SEPTIN9: variants seen among roughly 807,000 people sequenced by gnomAD.
SEPTIN9 encodes the protein septin-9.
In SEPTIN9, 13 loss-of-function variants were observed where a neutral mutation model predicts 56.6. That is an observed-to-expected ratio of 0.23 (90% confidence interval 0.15 to 0.37). The LOEUF is 0.37. SEPTIN9 is among the 10% of genes least tolerant of loss of function. The pLI, the probability that SEPTIN9 is intolerant of heterozygous loss-of-function variation, is 1.00. For synonymous variants in SEPTIN9, 332 were observed against 334.1 expected, an observed-to-expected ratio of 0.99 and a Z score of 0.07; for missense variants, 650 against 823.1, an observed-to-expected ratio of 0.79 and a Z score of 2.57.
Position 77,311,715 on chromosome 17 carries a change from C to T in SEPTIN9, c.76+4518C>T, listed in dbSNP as rs146934048. Among the ~76,000 whole-genome samples, 599 of 152,274 alleles carry T rather than the reference C, an allele frequency of 3.9e-3. 4 individuals carry two copies. Among genetic ancestry groups the T allele is most frequent in the African/African-American group, 0.014 (562 of 41,542 alleles). On this transcript the variant is annotated intron_variant, in intron 2 of 11. Coordinates refer to ENST00000427177, the MANE Select transcript of SEPTIN9 (RefSeq NM_001113491.2). ...CCTCCTCGCTATTTCCCCAGGGCAC[C>T]GTGCCACGTTGCCTCAATGCACAGA...
rs1294838603 is a variant in SEPTIN9 at position 77,445,756 on chromosome 17, G to A, written c.722-36388G>A. ...CTTCCAGAGTGGGACCTTGCTGTGG[G>A]ATAGGCTGGCCAATGGTGCTCCCTC... On this transcript the variant is annotated intron_variant, in intron 3 of 11. Coordinates refer to ENST00000427177, the MANE Select transcript of SEPTIN9 (RefSeq NM_001113491.2). This position sits in a 1 kb window ranked among gnomAD's most constrained non-coding sequence, Gnocchi z 4.7. 1 of 274,002 alleles carries A rather than the reference G, an allele frequency of 3.6e-6. No individual in the cohort carries two copies. Among genetic ancestry groups the A allele is most frequent in the Non-Finnish European group, 7.7e-6 (1 of 129,182 alleles). 17.0% of individuals were successfully genotyped at this position (274,002 alleles called of 1,614,324 possible). A position where few individuals can be genotyped will look rare whatever the true frequency, so the allele number is the denominator to read the frequency against.
At position 77,482,485 on chromosome 17, in the gene SEPTIN9, G is replaced by C. The variant is rs746241720; in HGVS notation, c.913+150G>C. ...GGACGGATTGCCAGTGACATTGCGT[G>C]TGCATGCATGCGCCTGGGAGGAGCC... On this transcript the variant is annotated intron_variant, in intron 4 of 11. Coordinates refer to ENST00000427177, the MANE Select transcript of SEPTIN9 (RefSeq NM_001113491.2). 9 of 810,188 alleles carry C rather than the reference G, an allele frequency of 1.1e-5. No homozygotes were observed. In the South Asian group the frequency reaches 1.3e-4, roughly 12 times the overall value. 50.2% of individuals were successfully genotyped at this position (810,188 alleles called of 1,614,324 possible). A position where few individuals can be genotyped will look rare whatever the true frequency, so the allele number is the denominator to read the frequency against.
At chr17:77,309,061 G>T (rs1598499301) in intron 2 of SEPTIN9, among the ~76,000 whole-genome samples, 1 of 152,240 alleles carries the variant, frequency 6.6e-6, no homozygotes, top group Non-Finnish European at 1.5e-5. Context: ...CTTTTCTCCG[G>T]CTCCGCATCT....
chr17:77,422,854 G>C (rs1373959388), intron 3 of SEPTIN9, among the ~76,000 whole-genome samples: 1 of 152,078 alleles, frequency 6.6e-6, no homozygotes, highest in East Asian at 1.9e-4. Flanking sequence ...TGGGCCCTCT[G>C]CTTGTCTAGC....
chr17:77,454,478 T>A, intron 3 of SEPTIN9: 1 of 686,664 alleles, frequency 1.5e-6, no homozygotes, highest in Non-Finnish European at 1.8e-6. Context: ...GATGAGGAAT[T>A]GGCTGGGAAG....
intron 3 of SEPTIN9, among the ~76,000 whole-genome samples, chr17:77,473,523 C>T (rs1017630437): frequency 3.9e-5 from 6 of 152,066 alleles, no homozygotes; most frequent in African/African-American, 1.2e-4. Context: ...TAACTGGGAT[C>T]CACGGGCCTA....
chr17:77,310,413 C>A lies in SEPTIN9; in HGVS notation c.76+3216C>A, dbSNP rs2032443764. ...TCAGTGGCTGCCCTGCCTGTGCCCA[C>A]AACGTGACGGCGTGGAGACTTATCC... On this transcript the variant is annotated intron_variant, in intron 2 of 11. Transcript: ENST00000427177. This position sits in a 1 kb window ranked among gnomAD's most constrained non-coding sequence, Gnocchi z 4.7. Among the ~76,000 whole-genome samples, 1 of 152,286 alleles carries A rather than the reference C, an allele frequency of 6.6e-6. No individual in the cohort carries two copies. The highest frequency in any genetic ancestry group is 1.9e-4 in the East Asian group (1 of 5,180).
chr17:77,320,173 A>T, intron 2 of SEPTIN9: 3 of 1,555,564 alleles, frequency 1.9e-6, no homozygotes, highest in Non-Finnish European at 2.6e-6. Flanking sequence ...TGATTGCAAC[A>T]GATTGAAGAA....
At chr17:77,336,997 CGT>C (rs1491480074) in intron 2 of SEPTIN9, among the ~76,000 whole-genome samples, 6 of 123,288 alleles carry the variant, frequency 4.9e-5, no homozygotes, top group South Asian at 3.1e-4. Context: ...TTTTGCCCCC[CGT>C]TTTTTTTTTT....
intron 10 of SEPTIN9, among the ~76,000 whole-genome samples, chr17:77,496,031 C>CTTTTTTTTTTTTTTTTTTTTTT (rs534634574): frequency 7.1e-6 from 1 of 140,214 alleles, no homozygotes; most frequent in African/African-American, 2.6e-5. Flanking sequence ...TTTTCTTTTT[C>CTTTTTTTTTTTTTTTTTTTTTT]TTTTTTTTTT....
chr17:77,340,239 C>G (rs1441664227), intron 2 of SEPTIN9, among the ~76,000 whole-genome samples: 2 of 152,024 alleles, frequency 1.3e-5, no homozygotes, highest in African/African-American at 4.8e-5. Flanking sequence ...CTCCTGGGCT[C>G]AAGCGGTTCT....
intron 2 of SEPTIN9, chr17:77,373,268 C>A: frequency 8.7e-7 from 1 of 1,145,078 alleles, no homozygotes; most frequent in Non-Finnish European, 1.1e-6. Flanking sequence ...GAACCTGATC[C>A]GCCCGGGAGG....
intron 2 of SEPTIN9, among the ~76,000 whole-genome samples, chr17:77,384,320 G>A (rs1336549535): frequency 6.6e-6 from 1 of 152,020 alleles, no homozygotes; most frequent in Non-Finnish European, 1.5e-5. Context: ...CCTCAGCAGT[G>A]CCCAGCACAC....
intron 3 of SEPTIN9, among the ~76,000 whole-genome samples, chr17:77,408,393 G>T (rs1259203456): frequency 2.6e-5 from 4 of 152,222 alleles, no homozygotes; most frequent in Non-Finnish European, 5.9e-5. Context: ...GTGACCCAGA[G>T]GGTCTGGAAA....
At chr17:77,302,134 C>T (rs1420475401) in intron 1 of SEPTIN9, among the ~76,000 whole-genome samples, 1 of 152,166 alleles carries the variant, frequency 6.6e-6, no homozygotes, top group African/African-American at 2.4e-5. Flanking sequence ...TAAACATTTC[C>T]ATCTTGTGAC....
At chr17:77,373,798 T>G in intron 2 of SEPTIN9, 1 of 587,176 alleles carries the variant, frequency 1.7e-6, no homozygotes, top group Non-Finnish European at 2.6e-6. Context: ...GACCCTGTGC[T>G]CGTTCTGCGC....
chr17:77,390,301 GGCACCACT>G (rs1468773675), intron 2 of SEPTIN9, among the ~76,000 whole-genome samples: 2 of 142,456 alleles, frequency 1.4e-5, no homozygotes, highest in Non-Finnish European at 3.0e-5. Context: ...GAGCAGAGAT[GGCACCACT>G]GCACCGCAGC....
intron 2 of SEPTIN9, among the ~76,000 whole-genome samples, chr17:77,335,282 G>A (rs71384164): frequency 2.0e-5 from 3 of 149,180 alleles, no homozygotes; most frequent in South Asian, 2.1e-4. Flanking sequence ...CTGTATATGT[G>A]GTCCTGTATT....
At chr17:77,296,651 G>A (rs576120637) in intron 1 of SEPTIN9, among the ~76,000 whole-genome samples, 52 of 152,254 alleles carry the variant, frequency 3.4e-4, no homozygotes, top group African/African-American at 1.3e-3. Context: ...CCAGGAGTTT[G>A]AGACCAGCCT....
Sources: allele counts gnomAD v4.1 joint callset (sites outside exome capture counted in the v4.1 genomes callset), GRCh38; gene constraint gnomAD v4.1.1; non-coding constraint Gnocchi (gnomAD v3.1); transcripts MANE v1.5; gene names NCBI Gene and HGNC (gene_info 2026-07-23, HGNC 2026-07-21).